The following CACNA2D1 variants were observed in gnomAD, a reference collection of about 807,000 sequenced individuals.
CACNA2D1 encodes voltage-dependent calcium channel subunit alpha-2/delta-1.
Under a neutral mutation model 171.5 loss-of-function variants are expected in CACNA2D1, and 53 were observed. The ratio of observed to expected loss-of-function variants is 0.31; its 90% CI spans 0.25 to 0.39. The LOEUF (loss-of-function observed/expected upper bound fraction) is 0.39, where lower values mean the gene tolerates loss of function less well. Among genes scored for constraint, CACNA2D1 ranks in the 10% least tolerant of loss-of-function variants. The pLI, the probability that CACNA2D1 is intolerant of heterozygous loss-of-function variation, is 1.00. For missense variants in CACNA2D1, 903 were observed against 1,299.8 expected (o/e 0.69, Z 4.69); for synonymous variants, 442 against 443.1 (o/e 1.00, Z 0.03).
At chr7:81,989,713 G>A (rs1000428710) in intron 21 of CACNA2D1, among the ~76,000 whole-genome samples, 2 of 152,126 alleles carry the variant, frequency 1.3e-5, no homozygotes, top group South Asian at 4.1e-4. Context: ...AGTGTGGTGT[G>A]GCTAATAATT....
intron 3 of CACNA2D1, among the ~76,000 whole-genome samples, chr7:82,305,269 T>G (rs1038781817): frequency 3.9e-5 from 6 of 152,146 alleles, no homozygotes; most frequent in African/African-American, 1.4e-4. Context: ...AGTAAATATA[T>G]AGAAATAATA....
At chr7:82,013,345 T>G (rs1415980066) in intron 14 of CACNA2D1, 116 bp downstream of exon 14, 2 of 310,312 alleles carry the variant, frequency 6.4e-6, no homozygotes, top group African/African-American at 2.2e-5. Context: ...TTAATATAGG[T>G]GTAATATTAT....
intron 1 of CACNA2D1, among the ~76,000 whole-genome samples, chr7:82,354,352 C>T (rs1820191434): frequency 6.6e-6 from 1 of 152,040 alleles, no homozygotes; most frequent in African/African-American, 2.4e-5. Flanking sequence ...TAAAAGGCTC[C>T]AGATATTTTT....
chr7:82,270,216 T>C (rs1808438677), intron 3 of CACNA2D1, among the ~76,000 whole-genome samples: 1 of 152,158 alleles, frequency 6.6e-6, no homozygotes, highest in Admixed American at 6.6e-5. Context: ...TATCCAAACA[T>C]CTTCATGCTC....
chr7:82,118,157 A>G (rs1789297661), intron 5 of CACNA2D1, among the ~76,000 whole-genome samples: 1 of 152,182 alleles, frequency 6.6e-6, no homozygotes, highest in South Asian at 2.1e-4. Flanking sequence ...ATGATTCAAG[A>G]AAACCCCTCA....
chr7:82,209,280 C>T (rs547882165), intron 3 of CACNA2D1, among the ~76,000 whole-genome samples: 4 of 152,270 alleles, frequency 2.6e-5, no homozygotes, highest in Non-Finnish European at 4.4e-5. Flanking sequence ...CTGTGAAAGC[C>T]GTCATACATC....
intron 3 of CACNA2D1, among the ~76,000 whole-genome samples, chr7:82,203,642 C>G (rs193215051): frequency 1.1e-4 from 16 of 152,288 alleles, no homozygotes; most frequent in Middle Eastern, 3.4e-3. Flanking sequence ...TTGAGCTGCA[C>G]GTGCATGTGA....
At chr7:82,194,185 T>TA (rs1180926953) in intron 3 of CACNA2D1, among the ~76,000 whole-genome samples, 1 of 152,022 alleles carries the variant, frequency 6.6e-6, no homozygotes, top group East Asian at 1.9e-4. Context: ...TGAATCATTC[T>TA]CCCATCAGCT....
At chr7:82,296,723 A>G (rs73374398) in intron 3 of CACNA2D1, among the ~76,000 whole-genome samples, 19,503 of 152,008 alleles carry the variant, frequency 0.13, 2,709 homozygotes, top group African/African-American at 0.34. Flanking sequence ...TTATGATTTC[A>G]TTTGTTATAT....
intron 3 of CACNA2D1, among the ~76,000 whole-genome samples, chr7:82,316,000 G>A (rs2129435489): frequency 6.6e-6 from 1 of 150,420 alleles, no homozygotes; most frequent in South Asian, 2.1e-4. Flanking sequence ...TTAAAGTATG[G>A]GAATTCTAGG....
intron 10 of CACNA2D1, among the ~76,000 whole-genome samples, chr7:82,039,145 A>T (rs923528271): frequency 1.1e-4 from 16 of 152,216 alleles, no homozygotes; most frequent in African/African-American, 3.6e-4. Flanking sequence ...CATATTTGCC[A>T]GAAAAAAGGG....
chr7:82,108,566 G>C (rs1398481797), intron 6 of CACNA2D1, among the ~76,000 whole-genome samples: 1 of 152,074 alleles, frequency 6.6e-6, no homozygotes, highest in African/African-American at 2.4e-5. Flanking sequence ...TATCTATAAA[G>C]CTATTACTAA....
chr7:82,342,120 T>C (rs182630517), intron 2 of CACNA2D1, among the ~76,000 whole-genome samples: 209 of 150,750 alleles, frequency 1.4e-3, no homozygotes, highest in African/African-American at 4.5e-3. Flanking sequence ...AAGTAAATTA[T>C]GGCCTTTTTT....
intron 3 of CACNA2D1, among the ~76,000 whole-genome samples, chr7:82,253,446 C>T (rs887996078): frequency 6.6e-6 from 1 of 152,112 alleles, no homozygotes; most frequent in African/African-American, 2.4e-5. Context: ...CTGCATGTAT[C>T]ACACAATGTT....
chr7:81,951,991 T>TTTTTTTTTTTTTTTTTTA (rs1386764468), intron 38 of CACNA2D1, among the ~76,000 whole-genome samples: 4 of 146,468 alleles, frequency 2.7e-5, no homozygotes, highest in Non-Finnish European at 4.5e-5. Context: ...TTTTTTTTTT[T>TTTTTTTTTTTTTTTTTTA]AACCACATCC....
intron 4 of CACNA2D1, among the ~76,000 whole-genome samples, chr7:82,145,988 G>A (rs1186817486): frequency 2.6e-5 from 4 of 151,768 alleles, no homozygotes; most frequent in South Asian, 4.2e-4. Context: ...GGTATTTTCC[G>A]TTGCATAATT....
chr7:82,114,819 T>C (rs1256286267), intron 6 of CACNA2D1, among the ~76,000 whole-genome samples: 1 of 151,756 alleles, frequency 6.6e-6, no homozygotes, highest in Non-Finnish European at 1.5e-5. Context: ...GCAGCTAGTG[T>C]TCTGGCCACA....
At chr7:82,126,160 G>T (rs1030561407) in intron 5 of CACNA2D1, among the ~76,000 whole-genome samples, 3 of 152,086 alleles carry the variant, frequency 2.0e-5, no homozygotes, top group East Asian at 1.9e-4. Flanking sequence ...GAGAGATTAT[G>T]TGATCTTGCC....
chr7:82,011,957 G>A, intron 15 of CACNA2D1, 197 bp downstream of exon 15: 2 of 562,042 alleles, frequency 3.6e-6, no homozygotes, highest in South Asian at 4.4e-5. Flanking sequence ...CTAACACTTT[G>A]CATTTGTAGT....
Sources: gnomAD v4.1 joint callset for allele counts (sites outside exome capture counted in the v4.1 genomes callset) on GRCh38, gnomAD v4.1.1 for gene constraint, MANE v1.5 for transcripts, NCBI Gene and HGNC (gene_info 2026-07-23, HGNC 2026-07-21) for gene names.